RBM20: variants seen among roughly 807,000 people sequenced by gnomAD.
RBM20 encodes the protein RNA binding motif protein 20.
In RBM20, 51 loss-of-function variants were observed where a neutral mutation model predicts 110.1. The observed-to-expected ratio is 0.46, with a 90% CI of 0.37 to 0.59. The LOEUF is 0.59. Among genes scored for constraint, RBM20 ranks in the 20% least tolerant of loss-of-function variants. The probability of loss-of-function intolerance (pLI) is 0.00; values close to 1 mark genes in which losing one functional copy is unlikely to be tolerated. For missense variants in RBM20, 1,512 were observed against 1,574.9 expected (o/e 0.96, Z 0.68); for synonymous variants, 589 against 618.2 (o/e 0.95, Z 0.70).
chr10:110,741,134 G>A (rs922743607), intron 1 of RBM20, among the ~76,000 whole-genome samples: 2 of 152,100 alleles, frequency 1.3e-5, no homozygotes, highest in African/African-American at 4.8e-5. Context: ...CTTCTCAGTT[G>A]TCTCCCATTC....
At chr10:110,779,485 A>C (rs1016535107) in intron 1 of RBM20, among the ~76,000 whole-genome samples, 9 of 152,230 alleles carry the variant, frequency 5.9e-5, no homozygotes, top group Non-Finnish European at 1.5e-5. Context: ...CTAATAAACC[A>C]GTAAAACTAA....
chr10:110,689,825 A>G (rs1372973280), intron 1 of RBM20, among the ~76,000 whole-genome samples: 2 of 152,212 alleles, frequency 1.3e-5, no homozygotes, highest in Non-Finnish European at 2.9e-5. Context: ...CATATCATCA[A>G]GAAGCTGTGA....
At position 110,652,666 on chromosome 10, in the gene RBM20, T is replaced by C. The variant is rs143237636; in HGVS notation, c.191+8021T>C. On this transcript the variant is annotated intron_variant, in intron 1 of 13. Coordinates refer to ENST00000369519, the MANE Select transcript of RBM20 (RefSeq NM_001134363.3). ...TTTTTCTAGGTAAGACAAATGAGCA[T>C]CAGAGAAGTCAAGTGAATTGTTGAA... 2.4e-4 allele frequency among the ~76,000 whole-genome samples: 37 copies of C among 152,292 alleles called. 1 individual carries two copies. The East Asian group carries it at 4.2e-3, about 17-fold the overall frequency.
chr10:110,680,495 G>A (rs967983240), intron 1 of RBM20, among the ~76,000 whole-genome samples: 4 of 152,204 alleles, frequency 2.6e-5, no homozygotes, highest in Admixed American at 6.5e-5. Flanking sequence ...CCTTCTCCAA[G>A]TCTCATCTGT....
intron 12 of RBM20, among the ~76,000 whole-genome samples, chr10:110,828,774 A>G (rs1422081604): frequency 6.6e-6 from 1 of 151,636 alleles, no homozygotes; most frequent in Non-Finnish European, 1.5e-5. Context: ...TCTACATTCT[A>G]TTTTCTCTCC....
chr10:110,820,519 G>A (rs1844895322), intron 10 of RBM20, among the ~76,000 whole-genome samples: 1 of 152,246 alleles, frequency 6.6e-6, no homozygotes, highest in Admixed American at 6.5e-5. Flanking sequence ...GCGAGAAGCT[G>A]CTTTGGGCAC....
intron 9 of RBM20, among the ~76,000 whole-genome samples, chr10:110,814,644 C>T (rs12260801): frequency 0.2 from 30,285 of 151,924 alleles, 3,457 homozygotes; most frequent in African/African-American, 0.31. Context: ...TACAGGAGTG[C>T]GCCACCACGC....
chr10:110,761,869 C>A (rs893835837), intron 1 of RBM20, among the ~76,000 whole-genome samples: 9 of 152,246 alleles, frequency 5.9e-5, no homozygotes, highest in African/African-American at 2.2e-4. Context: ...CTTCTCCCAA[C>A]CCAGCTTCCA....
chr10:110,821,234 T>C (rs1403817514), intron 10 of RBM20, 41 bp from the exon 11 acceptor site: 1 of 1,523,792 alleles, frequency 6.6e-7, no homozygotes, highest in East Asian at 2.5e-5. Context: ...AGTTGAATGC[T>C]CTCAACCACC....
chr10:110,673,479 G>A (rs1374706610), intron 1 of RBM20, among the ~76,000 whole-genome samples: 2 of 152,160 alleles, frequency 1.3e-5, no homozygotes, highest in African/African-American at 2.4e-5. Context: ...CAAAGTGCTG[G>A]GATCACAGGC....
chr10:110,766,469 G>GCGGCCTTC (rs1844085971), intron 1 of RBM20, among the ~76,000 whole-genome samples: 1 of 152,028 alleles, frequency 6.6e-6, no homozygotes, highest in Non-Finnish European at 1.5e-5. Flanking sequence ...AGAGGACCCT[G>GCGGCCTTC]CGGCCTTCCG....
intron 1 of RBM20, among the ~76,000 whole-genome samples, chr10:110,740,990 G>GT (rs1843719320): frequency 6.6e-6 from 1 of 152,088 alleles, no homozygotes; most frequent in African/African-American, 2.4e-5. Context: ...ATCTGCATTT[G>GT]TTTTTTCTTT....
At chr10:110,789,277 A>G (rs1289889402) in intron 5 of RBM20, among the ~76,000 whole-genome samples, 3 of 152,106 alleles carry the variant, frequency 2.0e-5, no homozygotes, top group Non-Finnish European at 2.9e-5. Flanking sequence ...CTGCCACAAA[A>G]TCTAAAAGGA....
At chr10:110,811,855 C>T (rs1015475238) in intron 8 of RBM20, among the ~76,000 whole-genome samples, 1 of 152,172 alleles carries the variant, frequency 6.6e-6, no homozygotes, top group African/African-American at 2.4e-5. Flanking sequence ...TAATGGCACC[C>T]AGGGTTAGGC....
intron 5 of RBM20, among the ~76,000 whole-genome samples, chr10:110,790,070 C>T (rs1432759755): frequency 6.6e-6 from 1 of 152,152 alleles, no homozygotes; most frequent in African/African-American, 2.4e-5. Context: ...ATTTATTTCT[C>T]GCCAAGACCC....
At chr10:110,783,516 C>T in intron 3 of RBM20, 89 bp downstream of exon 3, 1 of 1,054,396 alleles carries the variant, frequency 9.5e-7, no homozygotes, top group South Asian at 1.4e-5. Flanking sequence ...GTTTTGAGTC[C>T]TGGGGCAATA....
intron 12 of RBM20, among the ~76,000 whole-genome samples, chr10:110,824,517 T>C (rs1199506672): frequency 3.9e-5 from 6 of 152,160 alleles, no homozygotes; most frequent in African/African-American, 1.4e-4. Flanking sequence ...TACCCCTTCT[T>C]GAGCCTTAGT....
rs982817284 is a variant in RBM20 at position 110,823,396 on chromosome 10, A to G, written c.3317-84A>G. ...ATTCCCAATCATACTATGCAGGCATAGAATTTCAGGGACTCTTTGAGGCAT... is the reference window on the plus strand; with the variant it reads ...ATTCCCAATCATACTATGCAGGCATGGAATTTCAGGGACTCTTTGAGGCAT... On this transcript the variant is annotated intron_variant, in intron 11 of 13. Transcript: ENST00000369519. The G allele has an allele frequency of 1.9e-5, 28 of 1,465,856 alleles. No homozygotes were observed. The East Asian group carries it at 5.9e-4, about 31-fold the overall frequency. 90.8% of individuals were successfully genotyped at this position (1,465,856 alleles called of 1,614,324 possible).
intron 5 of RBM20, among the ~76,000 whole-genome samples, chr10:110,789,003 T>C (rs968388423): frequency 6.6e-6 from 1 of 152,240 alleles, no homozygotes; most frequent in African/African-American, 2.4e-5. Context: ...CTTTCAGCCC[T>C]CACAGAGATC....
Sources: allele counts gnomAD v4.1 joint callset (sites outside exome capture counted in the v4.1 genomes callset), GRCh38; gene constraint gnomAD v4.1.1; transcripts MANE v1.5; gene names NCBI Gene and HGNC (gene_info 2026-07-23, HGNC 2026-07-21).